PRKG1: variants seen among roughly 807,000 people sequenced by gnomAD.
PRKG1 encodes the protein protein kinase cGMP-dependent 1.
PRKG1 carries 35 observed loss-of-function variants against 88.1 expected under a neutral mutation model. The ratio of observed to expected loss-of-function variants is 0.40; its 90% CI spans 0.30 to 0.53. The LOEUF is 0.53. Ranked by LOEUF, PRKG1 falls within the 20% of genes least tolerant of loss-of-function variation. PRKG1 has a pLI of 0.59. For synonymous variants in PRKG1, 303 were observed against 292.5 expected (o/e 1.04, Z -0.37); for missense variants, 540 against 839.8 (o/e 0.64, Z 4.41).
intron 5 of PRKG1, among the ~76,000 whole-genome samples, chr10:51,925,546 T>C (rs546200446): frequency 2.0e-5 from 3 of 152,280 alleles, no homozygotes; most frequent in Middle Eastern, 3.4e-3. Flanking sequence ...CCAGGTTGGT[T>C]AATCCTTGAT....
chr10:51,591,839 A>G (rs1444512895), intron 3 of PRKG1, among the ~76,000 whole-genome samples: 1 of 152,250 alleles, frequency 6.6e-6, no homozygotes, highest in Non-Finnish European at 1.5e-5. Context: ...GTAATTAAAT[A>G]TGCCTGGAAA....
At chr10:51,278,496 T>C (rs1840196880) in intron 2 of PRKG1, among the ~76,000 whole-genome samples, 1 of 152,198 alleles carries the variant, frequency 6.6e-6, no homozygotes, top group African/African-American at 2.4e-5. Flanking sequence ...ATTCCCTCTT[T>C]TTCTATTGAT....
intron 3 of PRKG1, among the ~76,000 whole-genome samples, chr10:51,772,595 T>C (rs980340733): frequency 2.6e-5 from 4 of 152,000 alleles, no homozygotes; most frequent in African/African-American, 9.7e-5. Flanking sequence ...GGTGAGAATA[T>C]AAATCACACA....
intron 3 of PRKG1, among the ~76,000 whole-genome samples, chr10:51,723,731 C>A (rs1842068026): frequency 6.6e-6 from 1 of 152,082 alleles, no homozygotes; most frequent in Admixed American, 6.6e-5. Context: ...CATAAAAAAT[C>A]CTGAAAATCA....
intron 2 of PRKG1, among the ~76,000 whole-genome samples, chr10:51,333,558 T>C (rs1564450376): frequency 6.6e-6 from 1 of 152,234 alleles, no homozygotes; most frequent in Non-Finnish European, 1.5e-5. Flanking sequence ...ACATGTTGAC[T>C]GTGTAGAACA....
intron 5 of PRKG1, among the ~76,000 whole-genome samples, chr10:51,923,247 A>G (rs1233800682): frequency 6.6e-6 from 1 of 151,930 alleles, no homozygotes; most frequent in African/African-American, 2.4e-5. Context: ...AGTGTGATAT[A>G]TCTTTTTCCA....
At chr10:51,452,589 A>G (rs750127347) in intron 2 of PRKG1, among the ~76,000 whole-genome samples, 20 of 152,144 alleles carry the variant, frequency 1.3e-4, no homozygotes, top group Non-Finnish European at 2.5e-4. Context: ...GTGATATAAT[A>G]CATTTATTGA....
intron 9 of PRKG1, among the ~76,000 whole-genome samples, chr10:52,219,630 C>A (rs1449286931): frequency 6.6e-6 from 1 of 151,924 alleles, no homozygotes; most frequent in Non-Finnish European, 1.5e-5. Flanking sequence ...TTAAATAACC[C>A]CCATACTGGC....
chr10:51,207,202 T>C (rs1338122796), intron 2 of PRKG1, among the ~76,000 whole-genome samples: 1 of 152,192 alleles, frequency 6.6e-6, no homozygotes, highest in Non-Finnish European at 1.5e-5. Context: ...AATATCTGCT[T>C]CCAGGCTTTA....
At chr10:50,995,434 G>A (rs1228261906) in intron 1 of PRKG1, among the ~76,000 whole-genome samples, 4 of 152,116 alleles carry the variant, frequency 2.6e-5, no homozygotes, top group African/African-American at 7.2e-5. Context: ...GACTTATTGC[G>A]GTACTCATTT....
intron 9 of PRKG1, among the ~76,000 whole-genome samples, chr10:52,166,839 G>GTATATATGTATGTATATATATGTA (rs1838477606): frequency 1.1e-5 from 1 of 90,484 alleles, no homozygotes; most frequent in Admixed American, 1.2e-4. Flanking sequence ...GTATATATAT[G>GTATATATGTATGTATATATATGTA]TATATATATG....
At chr10:51,942,137 T>C (rs1481509907) in intron 5 of PRKG1, among the ~76,000 whole-genome samples, 10 of 151,548 alleles carry the variant, frequency 6.6e-5, no homozygotes, top group South Asian at 2.1e-4. Context: ...TTTTAATGAT[T>C]GCCATTCTAA....
At chr10:51,481,328 A>G (rs1375186092) in intron 3 of PRKG1, among the ~76,000 whole-genome samples, 4 of 151,854 alleles carry the variant, frequency 2.6e-5, no homozygotes, top group African/African-American at 9.7e-5. Context: ...GCTCACTGCA[A>G]TCTCCATCTC....
At chr10:51,183,448 A>G (rs993998031) in intron 2 of PRKG1, among the ~76,000 whole-genome samples, 1 of 152,222 alleles carries the variant, frequency 6.6e-6, no homozygotes, top group African/African-American at 2.4e-5. Flanking sequence ...GATGCTAGGC[A>G]AGAGTTTTGA....
intron 2 of PRKG1, among the ~76,000 whole-genome samples, chr10:51,253,988 C>T (rs1839490370): frequency 6.6e-6 from 1 of 151,928 alleles, no homozygotes; most frequent in Admixed American, 6.6e-5. Flanking sequence ...AAACTATGAT[C>T]ATTATGGATA....
intron 5 of PRKG1, among the ~76,000 whole-genome samples, chr10:52,004,933 A>G (rs569959165): frequency 1.3e-5 from 2 of 152,282 alleles, no homozygotes; most frequent in Non-Finnish European, 2.9e-5. Flanking sequence ...TCTCCAAAAA[A>G]TAAAAGAAAA....
At chr10:51,936,856 A>G (rs2133018379) in intron 5 of PRKG1, among the ~76,000 whole-genome samples, 1 of 152,174 alleles carries the variant, frequency 6.6e-6, no homozygotes, top group Non-Finnish European at 1.5e-5. Flanking sequence ...AGCTTATGAC[A>G]TTCATATTAG....
chr10:51,523,329 A>G (rs1368811556), intron 3 of PRKG1, among the ~76,000 whole-genome samples: 2 of 152,214 alleles, frequency 1.3e-5, no homozygotes, highest in African/African-American at 2.4e-5. Flanking sequence ...GGCTGTGTCC[A>G]TGATTTTTGC....
intron 3 of PRKG1, among the ~76,000 whole-genome samples, chr10:51,506,603 T>A (rs1278756937): frequency 6.6e-6 from 1 of 152,176 alleles, no homozygotes; most frequent in Admixed American, 6.5e-5. Flanking sequence ...CACAGTGAGA[T>A]ACCATCTCAC....
Sources: allele counts gnomAD v4.1 joint callset (sites outside exome capture counted in the v4.1 genomes callset), GRCh38; gene constraint gnomAD v4.1.1; transcripts MANE v1.5; gene names NCBI Gene and HGNC (gene_info 2026-07-23, HGNC 2026-07-21).